The following PIK3C2G variants were observed in gnomAD, a reference collection of about 807,000 sequenced individuals.
The protein encoded by PIK3C2G is phosphatidylinositol 3-kinase C2 domain-containing subunit gamma.
Under a neutral mutation model 181.1 loss-of-function variants are expected in PIK3C2G, and 168 were observed. The observed-to-expected ratio is 0.93, with a 90% CI of 0.82 to 1.05. The LOEUF (loss-of-function observed/expected upper bound fraction) is 1.05, where lower values mean the gene tolerates loss of function less well. PIK3C2G is among the 50% of genes least tolerant of loss of function. The pLI is 0.00. For synonymous variants in PIK3C2G, 573 were observed against 592.2 expected, an observed-to-expected ratio of 0.97 and a Z score of 0.47; for missense variants, 1,869 against 1,732.8, an observed-to-expected ratio of 1.08 and a Z score of -1.40.
At chr12:18,319,878 A>G (rs1174214883) in intron 6 of PIK3C2G, among the ~76,000 whole-genome samples, 2 of 152,118 alleles carry the variant, frequency 1.3e-5, no homozygotes, top group Non-Finnish European at 2.9e-5. Flanking sequence ...CAGTGACTCT[A>G]TATGTAAATT....
At position 18,318,879 on chromosome 12, in the gene PIK3C2G, G is replaced by A. The variant is rs368098640; in HGVS notation, c.1138-2083G>A. 1.7e-4 allele frequency among the ~76,000 whole-genome samples: 26 copies of A among 151,308 alleles called. No individual in the cohort carries two copies. In the East Asian group the frequency reaches 4.9e-3, roughly 28 times the overall value. On this transcript the variant is annotated intron_variant, in intron 6 of 32. Coordinates refer to ENST00000538779, the MANE Select transcript of PIK3C2G (RefSeq NM_001288772.2). ...GGAGGCCGAGGTGGGCAGATCACCT[G>A]AGGTCAGAAGTTTGAGACCAGCCTG...
intron 22 of PIK3C2G, among the ~76,000 whole-genome samples, chr12:18,500,168 G>A (rs908968566): frequency 1.3e-5 from 2 of 152,136 alleles, no homozygotes; most frequent in South Asian, 2.1e-4. Context: ...GCCGGGAACC[G>A]GGCTGCGCCC....
chr12:18,420,450 G>T (rs1565702358), intron 16 of PIK3C2G, among the ~76,000 whole-genome samples: 1 of 152,124 alleles, frequency 6.6e-6, no homozygotes, highest in Non-Finnish European at 1.5e-5. Context: ...CTACTAGTAA[G>T]ATTTAGCTGT....
At position 18,382,177 on chromosome 12, in the gene PIK3C2G, T is replaced by G. The variant is rs549059196; in HGVS notation, c.1995+297T>G. 8.5e-5 allele frequency among the ~76,000 whole-genome samples: 13 copies of G among 152,318 alleles called. No homozygotes were observed. In the South Asian group the frequency reaches 2.7e-3, roughly 32 times the overall value. ...ATTATGGGCATTCATTTTCTTTCTA[T>G]TGTCTAAAAACAGTCATTGGTATGT... is the stretch of plus-strand genomic sequence containing the variant. On this transcript the variant is annotated intron_variant, in intron 14 of 32. Coordinates refer to ENST00000538779, the MANE Select transcript of PIK3C2G (RefSeq NM_001288772.2).
chr12:18,288,798 T>C (rs761607154), intron 3 of PIK3C2G, among the ~76,000 whole-genome samples: 3 of 152,224 alleles, frequency 2.0e-5, no homozygotes, highest in Non-Finnish European at 2.9e-5. Flanking sequence ...CCAGCAATTC[T>C]CTTTTTTAAA....
At chr12:18,669,613 G>A in the PIK3C2G span, among the ~76,000 whole-genome samples, 1 of 151,954 alleles carries the variant, frequency 6.6e-6, no homozygotes, top group Non-Finnish European at 1.5e-5. Context: ...AGTTGCCTTT[G>A]CAGCTGAATC....
chr12:18,275,650 G>C lies in PIK3C2G; in HGVS notation c.-78-6354G>C, dbSNP rs1194698918. On this transcript the variant is annotated intron_variant, in intron 1 of 32. Coordinates refer to ENST00000538779, the MANE Select transcript of PIK3C2G (RefSeq NM_001288772.2). The stretch of plus-strand genomic sequence containing the variant: ...CCCGCCTCGGCCTCCCAAAGTGCTG[G>C]GATTACAGTCGTGGGCCACCATGCC... Among the ~76,000 whole-genome samples, 4 of 152,260 alleles carry C rather than the reference G, an allele frequency of 2.6e-5. No individual in the cohort carries two copies. The East Asian group carries it at 7.7e-4, about 29-fold the overall frequency.
chr12:18,258,909 T>C (rs1448168404), upstream of PIK3C2G, among the ~76,000 whole-genome samples: 3 of 152,162 alleles, frequency 2.0e-5, no homozygotes, highest in Non-Finnish European at 4.4e-5. Flanking sequence ...CCTCTTAAAG[T>C]GAATGAATAA....
At chr12:18,559,807 TATATATATATATATAGAGAGAGAG>T (rs1439494972) in intron 26 of PIK3C2G, among the ~76,000 whole-genome samples, 112 of 41,782 alleles carry the variant, frequency 2.7e-3, no homozygotes, top group Middle Eastern at 0.026. Context: ...TATATATATA[TATATATATATATATAGAGAGAGAG>T]AGAGAGAGAG....
At chr12:18,451,961 G>C (rs1217949737) in intron 18 of PIK3C2G, among the ~76,000 whole-genome samples, 1 of 152,208 alleles carries the variant, frequency 6.6e-6, no homozygotes, top group Non-Finnish European at 1.5e-5. Flanking sequence ...TGTGCTGCTG[G>C]ATTTGGTTTG....
chr12:18,255,096 T>C (rs1948130983), intron 1 of PIK3C2G, among the ~76,000 whole-genome samples: 2 of 151,418 alleles, frequency 1.3e-5, no homozygotes, highest in Admixed American at 1.3e-4. Context: ...GGCACATGCC[T>C]GACCAGCTAC....
chr12:18,342,558 A>G (rs1939242716), intron 9 of PIK3C2G, among the ~76,000 whole-genome samples: 1 of 151,906 alleles, frequency 6.6e-6, no homozygotes. Context: ...GTTAATTAAA[A>G]TGGATCTTAT....
At chr12:18,377,356 G>A (rs566573559) in intron 13 of PIK3C2G, among the ~76,000 whole-genome samples, 1 of 152,084 alleles carries the variant, frequency 6.6e-6, no homozygotes, top group Non-Finnish European at 1.5e-5. Context: ...TATTCTTAAG[G>A]ATACTCCAGA....
chr12:18,348,329 C>T (rs905796637), intron 11 of PIK3C2G, among the ~76,000 whole-genome samples: 2 of 148,736 alleles, frequency 1.3e-5, no homozygotes, highest in African/African-American at 2.5e-5. Context: ...TGCATTTACG[C>T]GTGTGTGTGT....
intron 18 of PIK3C2G, among the ~76,000 whole-genome samples, chr12:18,452,101 G>A (rs1947395662): frequency 6.6e-6 from 1 of 152,190 alleles, no homozygotes; most frequent in Admixed American, 6.5e-5. Flanking sequence ...GAGTTAGGGA[G>A]GAGTCCCTCT....
intron 24 of PIK3C2G, among the ~76,000 whole-genome samples, chr12:18,523,172 T>C (rs921108330): frequency 2.6e-5 from 4 of 152,224 alleles, no homozygotes; most frequent in East Asian, 1.9e-4. Flanking sequence ...TGAATTTTCT[T>C]TTAGTGCCTT....
intron 31 of PIK3C2G, among the ~76,000 whole-genome samples, chr12:18,612,885 G>A (rs906167801): frequency 6.6e-6 from 1 of 151,958 alleles, no homozygotes; most frequent in Non-Finnish European, 1.5e-5. Context: ...CTTTCCTCCT[G>A]TGAGATCACA....
intron 18 of PIK3C2G, among the ~76,000 whole-genome samples, chr12:18,429,188 T>C (rs1169074723): frequency 6.6e-6 from 1 of 151,646 alleles, no homozygotes; most frequent in Admixed American, 6.6e-5. Flanking sequence ...AGAGAGAAGG[T>C]CATGAAAAGG....
chr12:18,418,119 C>T (rs886868376), intron 16 of PIK3C2G, among the ~76,000 whole-genome samples: 1 of 152,032 alleles, frequency 6.6e-6, no homozygotes, highest in East Asian at 1.9e-4. Context: ...TTGAACAATC[C>T]TCATCTTCAG....
Sources: allele counts gnomAD v4.1 joint callset (sites outside exome capture counted in the v4.1 genomes callset), GRCh38; gene constraint gnomAD v4.1.1; transcripts MANE v1.5; gene names NCBI Gene and HGNC (gene_info 2026-07-23, HGNC 2026-07-21).